The following RASSF5 variants were observed in gnomAD, a reference collection of about 807,000 sequenced individuals.
The protein encoded by RASSF5 is ras association domain-containing protein 5.
RASSF5 carries 25 observed loss-of-function variants against 40.5 expected under a neutral mutation model. The ratio of observed to expected loss-of-function variants is 0.62; its 90% CI spans 0.45 to 0.86. The LOEUF is 0.86. Among genes scored for constraint, RASSF5 ranks in the 40% least tolerant of loss-of-function variants. The pLI, the probability that RASSF5 is intolerant of heterozygous loss-of-function variation, is 0.00. For missense variants in RASSF5, 521 were observed against 572.8 expected (o/e 0.91, Z 0.92); for synonymous variants, 246 against 252.4 (o/e 0.97, Z 0.24).
intron 2 of RASSF5, among the ~76,000 whole-genome samples, chr1:206,548,271 G>A (rs1553400555): frequency 6.6e-6 from 1 of 152,180 alleles, no homozygotes; most frequent in Non-Finnish European, 1.5e-5. Flanking sequence ...TGGTTCTGCA[G>A]ACGGTACAAG....
chr1:206,520,008 C>G (rs556338335), intron 1 of RASSF5, among the ~76,000 whole-genome samples: 1 of 152,342 alleles, frequency 6.6e-6, no homozygotes, highest in Non-Finnish European at 1.5e-5. Context: ...CCCTTACTCT[C>G]TCTTTAAGAA....
At chr1:206,582,123 A>T (rs1014089999) in intron 2 of RASSF5, among the ~76,000 whole-genome samples, 3 of 152,174 alleles carry the variant, frequency 2.0e-5, no homozygotes, top group Non-Finnish European at 4.4e-5. Flanking sequence ...CCAGCCACTC[A>T]GGGACAGTGT....
Position 206,587,097 on chromosome 1 carries a change from A to G in RASSF5, c.*119A>G. 7.7e-7 allele frequency: 1 copy of G among 1,293,902 alleles called. No individual in the cohort carries two copies. The highest frequency in any genetic ancestry group is 1.1e-6 in the Non-Finnish European group (1 of 921,926). The allele number at this position is 1,293,902 out of a possible 1,614,324, so 80.2% of individuals were successfully genotyped here. A position where few individuals can be genotyped will look rare whatever the true frequency, so the allele number is the denominator to read the frequency against. ...GCAGGTGCATTTGTGCCTGCCCAGC[A>G]GTTCCAGCTGTGGCAAAAGTCTCTT... On this transcript the variant is annotated 3_prime_UTR_variant, in exon 6 of 6. Transcript: ENST00000579436.
intron 1 of RASSF5, among the ~76,000 whole-genome samples, chr1:206,518,004 T>C (rs1572292019): frequency 6.6e-6 from 1 of 152,084 alleles, no homozygotes; most frequent in East Asian, 1.9e-4. Flanking sequence ...ATTAACGAGC[T>C]CCTGGGCTGG....
intron 2 of RASSF5, among the ~76,000 whole-genome samples, chr1:206,573,420 C>G (rs2103555318): frequency 6.6e-6 from 1 of 152,296 alleles, no homozygotes; most frequent in Non-Finnish European, 1.5e-5. Context: ...TACTGAATCT[C>G]TGCTATGTGT....
rs967957600 is a variant in RASSF5, at chr1:206,587,217, A to G, written c.*239A>G. On this transcript the variant is annotated 3_prime_UTR_variant, in exon 6 of 6. Transcript: ENST00000579436. ...CCAAGGATCAGAACTCATGTGAAAC[A>G]AACAGCTGACGTCCTCTCTCGATCT... is the stretch of plus-strand genomic sequence containing the variant. 2 of 489,464 alleles carry G rather than the reference A, an allele frequency of 4.1e-6. No homozygotes were observed. The highest frequency in any genetic ancestry group is 1.9e-5 in the African/African-American group (1 of 51,320). 30.3% of individuals were successfully genotyped at this position (489,464 alleles called of 1,614,324 possible).
At chr1:206,561,531 A>G (rs1215801142) in intron 2 of RASSF5, among the ~76,000 whole-genome samples, 3 of 152,084 alleles carry the variant, frequency 2.0e-5, no homozygotes, top group African/African-American at 7.2e-5. Flanking sequence ...CTTGGTGTCT[A>G]TCCTACAACT....
chr1:206,550,783 T>C (rs1667818488), intron 2 of RASSF5, among the ~76,000 whole-genome samples: 4 of 152,236 alleles, frequency 2.6e-5, no homozygotes, highest in Admixed American at 2.6e-4. Flanking sequence ...GTAGACACAT[T>C]ATCCTCAAGA....
intron 2 of RASSF5, among the ~76,000 whole-genome samples, chr1:206,550,167 C>T (rs191477237): frequency 4.5e-4 from 69 of 152,194 alleles, no homozygotes; most frequent in Non-Finnish European, 8.2e-4. Context: ...TCCTGTGTCT[C>T]GGGGATTGCT....
intron 1 of RASSF5, among the ~76,000 whole-genome samples, chr1:206,530,697 G>T (rs1451140691): frequency 6.6e-6 from 1 of 152,228 alleles, no homozygotes; most frequent in Non-Finnish European, 1.5e-5. Flanking sequence ...ATGTTCCAGG[G>T]GGCCGGCAGA....
At position 206,584,667 on chromosome 1, in the gene RASSF5, T is replaced by C. The variant is rs1553407184; in HGVS notation, c.971T>C (p.Ile324Thr). ...NPQKFALFKR[I>T]HKDGQVLFQK... Reference sequence around the variant, plus strand: ...CAGAAGTTTGCACTTTTTAAGCGGATACACAAGGACGGACAAGGTAGGAGA... The same window carrying C: ...CAGAAGTTTGCACTTTTTAAGCGGACACACAAGGACGGACAAGGTAGGAGA... Residue 324 changes from isoleucine to threonine, a missense_variant, in exon 4 of 6, where the codon ATA (isoleucine) becomes ACA (threonine). This residue lies in a region of RASSF5 where 284 missense variants were observed against 360.8 expected (regional missense o/e 0.79). Coordinates refer to ENST00000579436, the MANE Select transcript of RASSF5 (RefSeq NM_182663.4). The surrounding 1 kb of genome is among the most constrained non-coding windows in gnomAD (Gnocchi z 4.9). 1.2e-6 allele frequency: 2 copies of C among 1,614,090 alleles called. No homozygotes were observed. Among genetic ancestry groups the C allele is most frequent in the Non-Finnish European group, 8.5e-7 (1 of 1,180,034 alleles).
chr1:206,566,655 A>C (rs1466668081), intron 2 of RASSF5, among the ~76,000 whole-genome samples: 1 of 152,154 alleles, frequency 6.6e-6, no homozygotes, highest in East Asian at 1.9e-4. Context: ...GGCACTTGGC[A>C]CCTATAATGT....
chr1:206,575,583 C>T (rs142767217), intron 2 of RASSF5, among the ~76,000 whole-genome samples: 193 of 152,214 alleles, frequency 1.3e-3, no homozygotes, highest in African/African-American at 4.4e-3. Context: ...TGCCATTCAG[C>T]CATGCTAGCT....
At chr1:206,516,073 C>T (rs944194279) in intron 1 of RASSF5, among the ~76,000 whole-genome samples, 10 of 152,100 alleles carry the variant, frequency 6.6e-5, no homozygotes, top group Non-Finnish European at 1.3e-4. Context: ...ATATATTGTA[C>T]CCCAGCAAGT....
At chr1:206,516,096 G>A (rs1271134802) in intron 1 of RASSF5, among the ~76,000 whole-genome samples, 1 of 152,186 alleles carries the variant, frequency 6.6e-6, no homozygotes, top group Non-Finnish European at 1.5e-5. Flanking sequence ...GATGGTGAAG[G>A]TTGTTGCTTC....
At chr1:206,528,435 C>T (rs1667152489) in intron 1 of RASSF5, among the ~76,000 whole-genome samples, 2 of 152,060 alleles carry the variant, frequency 1.3e-5, no homozygotes, top group South Asian at 2.1e-4. Flanking sequence ...CAGAGCACAG[C>T]GGGTTTTTAG....
intron 1 of RASSF5, among the ~76,000 whole-genome samples, chr1:206,526,971 C>A (rs1572304078): frequency 1.3e-5 from 2 of 152,064 alleles, no homozygotes; most frequent in Admixed American, 1.3e-4. Flanking sequence ...AATTTGCTGG[C>A]AAGAAAGATA....
At chr1:206,508,093 A>T in intron 1 of RASSF5, 34 bp downstream of exon 1, 2 of 1,331,206 alleles carry the variant, frequency 1.5e-6, no homozygotes, top group Non-Finnish European at 1.9e-6. Flanking sequence ...GCGTGCGGGG[A>T]GACCGCAGTC....
chr1:206,524,447 T>G (rs1197681835), intron 1 of RASSF5, among the ~76,000 whole-genome samples: 1 of 140,786 alleles, frequency 7.1e-6, no homozygotes, highest in Non-Finnish European at 1.5e-5. Flanking sequence ...TATAATATAT[T>G]TTCTATATAT....
Sources: allele counts gnomAD v4.1 joint callset (sites outside exome capture counted in the v4.1 genomes callset), GRCh38; gene constraint gnomAD v4.1.1; regional missense constraint gnomAD v4.1.1; non-coding constraint Gnocchi (gnomAD v3.1); transcripts MANE v1.5; gene names NCBI Gene and HGNC (gene_info 2026-07-23, HGNC 2026-07-21).